PKP2: variants seen among roughly 807,000 people sequenced by gnomAD.
The protein encoded by PKP2 is plakophilin-2.
PKP2 carries 73 observed loss-of-function variants against 83.4 expected under a neutral mutation model. The ratio of observed to expected loss-of-function variants is 0.88; its 90% CI spans 0.72 to 1.06. The LOEUF is 1.06. Among genes scored for constraint, PKP2 ranks in the 50% least tolerant of loss-of-function variants. The pLI, the probability that PKP2 is intolerant of heterozygous loss-of-function variation, is 0.00. For synonymous variants in PKP2, 409 were observed against 430.4 expected (o/e 0.95, Z 0.62); for missense variants, 966 against 1,065.4 (o/e 0.91, Z 1.30).
chr12:32,878,411 C>T lies in PKP2; in HGVS notation c.469G>A (p.Glu157Lys), dbSNP rs1956954911. Reference protein sequence around the residue: ...RLEISPDSSPERAHYTHSDYQ... With the variant: ...RLEISPDSSPKRAHYTHSDYQ... ...TCGCTGTGCGTGTAGTGAGCCCTCT[C>T]CGGGCTGCTGTCAGGAGAAATCTCC... The change falls in exon 3 of 13, where the codon GAG becomes AAG. Residue 157 changes from glutamate (E) to lysine (K), a missense_variant. By Grantham distance (56) the Glu-to-Lys change is moderately conservative (BLOSUM62 1). Coordinates refer to ENST00000340811, the MANE Select transcript of PKP2 (RefSeq NM_001005242.3). 1 of 1,613,876 alleles carries T rather than the reference C, an allele frequency of 6.2e-7. No individual in the cohort carries two copies. Among genetic ancestry groups the T allele is most frequent in the Admixed American group, 1.7e-5 (1 of 60,006 alleles).
intron 11 of PKP2, among the ~76,000 whole-genome samples, chr12:32,794,187 G>A (rs1956100687): frequency 6.6e-6 from 1 of 152,084 alleles, no homozygotes; most frequent in Non-Finnish European, 1.5e-5. Flanking sequence ...GTAACCCCTG[G>A]ACTTTTCAGA....
At chr12:32,851,463 C>G (rs572063627) in intron 4 of PKP2, among the ~76,000 whole-genome samples, 2 of 152,000 alleles carry the variant, frequency 1.3e-5, no homozygotes, top group Non-Finnish European at 2.9e-5. Flanking sequence ...GTAATGCAAA[C>G]TAACCCTAAA....
intron 4 of PKP2, among the ~76,000 whole-genome samples, chr12:32,858,083 AAATATATATATATATATAT>A (rs1956766982): frequency 2.1e-5 from 1 of 48,710 alleles, no homozygotes; most frequent in African/African-American, 9.4e-5. Flanking sequence ...AAAAAAAAAA[AAATATATATATATATATAT>A]ATATATATAT....
chr12:32,848,803 G>T (rs949805546), intron 5 of PKP2, among the ~76,000 whole-genome samples: 1 of 151,980 alleles, frequency 6.6e-6, no homozygotes, highest in African/African-American at 2.4e-5. Flanking sequence ...AATGAATGTT[G>T]AATTTTTTAA....
intron 6 of PKP2, among the ~76,000 whole-genome samples, chr12:32,829,485 T>C (rs2137799892): frequency 6.6e-6 from 1 of 152,072 alleles, no homozygotes; most frequent in African/African-American, 2.4e-5. Context: ...TCCTGGTTTC[T>C]AGCAATCCTT....
chr12:32,841,367 A>T lies in PKP2; in HGVS notation c.1379-162T>A, dbSNP rs140700912. On this transcript the variant is annotated intron_variant, in intron 5 of 12. Transcript: ENST00000340811. ...TTCTCAACTAGAAGAACCCAATTAG[A>T]ACTCATTAGATGGTGATGGAGGCTG... 1.8e-4 allele frequency among the ~76,000 whole-genome samples: 27 copies of T among 152,280 alleles called. No individual in the cohort carries two copies. The East Asian group carries it at 5.2e-3, about 29-fold the overall frequency.
intron 4 of PKP2, among the ~76,000 whole-genome samples, chr12:32,862,691 C>T (rs535686960): frequency 5.3e-5 from 8 of 150,992 alleles, no homozygotes; most frequent in African/African-American, 1.9e-4. Flanking sequence ...CATCTGGGCA[C>T]GGTGGCTCAC....
At chr12:32,830,196 C>T (rs1956485984) in intron 6 of PKP2, among the ~76,000 whole-genome samples, 1 of 152,224 alleles carries the variant, frequency 6.6e-6, no homozygotes, top group Non-Finnish European at 1.5e-5. Context: ...AAGCATCCTT[C>T]TTCCTCTTGT....
At chr12:32,828,673 T>C (rs1956466006) in intron 6 of PKP2, among the ~76,000 whole-genome samples, 1 of 152,206 alleles carries the variant, frequency 6.6e-6, no homozygotes, top group African/African-American at 2.4e-5. Context: ...TGTCTGTGGC[T>C]ATGTGCAGGG....
chr12:32,816,128 T>C (rs1306384419), intron 9 of PKP2, among the ~76,000 whole-genome samples: 1 of 152,196 alleles, frequency 6.6e-6, no homozygotes, highest in Non-Finnish European at 1.5e-5. Flanking sequence ...TGCAGGTTTG[T>C]GACACGGGTA....
chr12:32,883,682 T>C (rs957231171), intron 1 of PKP2, among the ~76,000 whole-genome samples: 2 of 152,210 alleles, frequency 1.3e-5, no homozygotes, highest in Non-Finnish European at 2.9e-5. Flanking sequence ...CTTCCCTACA[T>C]TGAAGAAATC....
chr12:32,834,921 G>A (rs1336922081), intron 6 of PKP2, among the ~76,000 whole-genome samples: 1 of 147,558 alleles, frequency 6.8e-6, no homozygotes. Context: ...CTGATACTAT[G>A]AGCCACAGTA....
chr12:32,812,086 T>C (rs1049970249), intron 9 of PKP2, among the ~76,000 whole-genome samples: 4 of 150,962 alleles, frequency 2.6e-5, no homozygotes, highest in Admixed American at 6.6e-5. Context: ...GGAAAAGATA[T>C]ATGGCAGCTG....
At chr12:32,895,897 G>C (rs995712564) in intron 1 of PKP2, among the ~76,000 whole-genome samples, 3 of 152,236 alleles carry the variant, frequency 2.0e-5, no homozygotes, top group Admixed American at 2.0e-4. Context: ...CCTCCTCGGC[G>C]TGTTTGTTCC....
At position 32,871,752 on chromosome 12, in the gene PKP2, C is replaced by T. The variant is rs961958052; in HGVS notation, c.1035-2690G>A. Among the ~76,000 whole-genome samples the T allele has an allele frequency of 3.9e-5, 6 of 152,258 alleles. No individual in the cohort carries two copies. The South Asian group carries it at 1.0e-3, about 26-fold the overall frequency. ...GTGCTGGGATTACAGGCGTGGGCCACCGTGCCCAGCCACATTTTTAAATTT... is the reference window on the plus strand; with the variant it reads ...GTGCTGGGATTACAGGCGTGGGCCATCGTGCCCAGCCACATTTTTAAATTT... On this transcript the variant is annotated intron_variant, in intron 3 of 12. Transcript: ENST00000340811.
intron 1 of PKP2, among the ~76,000 whole-genome samples, chr12:32,892,352 C>T (rs1227692739): frequency 2.0e-5 from 3 of 147,218 alleles, no homozygotes; most frequent in Non-Finnish European, 4.5e-5. Context: ...CTCACTCCAT[C>T]GCCCAGGCTG....
chr12:32,851,964 C>T (rs185830117), intron 4 of PKP2, among the ~76,000 whole-genome samples: 8 of 152,306 alleles, frequency 5.3e-5, no homozygotes, highest in South Asian at 4.1e-4. Flanking sequence ...ACAAATTGAT[C>T]TAAGAAGGGG....
intron 1 of PKP2, among the ~76,000 whole-genome samples, chr12:32,891,081 G>A (rs2137992979): frequency 6.6e-6 from 1 of 152,134 alleles, no homozygotes; most frequent in African/African-American, 2.4e-5. Context: ...CACTCTAATA[G>A]AAAAATAAAG....
chr12:32,858,078 A>ATAT, intron 4 of PKP2, among the ~76,000 whole-genome samples: 1 of 62,244 alleles, frequency 1.6e-5, no homozygotes, highest in African/African-American at 7.7e-5. Flanking sequence ...AAAAAAAAAA[A>ATAT]AAAAAAATAT....
Sources: allele counts gnomAD v4.1 joint callset (sites outside exome capture counted in the v4.1 genomes callset), GRCh38; gene constraint gnomAD v4.1.1; transcripts MANE v1.5; gene names NCBI Gene and HGNC (gene_info 2026-07-23, HGNC 2026-07-21).